SLIT2: variants seen among roughly 807,000 people sequenced by gnomAD.
SLIT2 encodes slit guidance ligand 2, also known as slit homolog 2 protein.
Under a neutral mutation model 185.7 loss-of-function variants are expected in SLIT2, and 41 were observed. That is an observed-to-expected ratio of 0.22 (90% CI 0.17 to 0.29). The LOEUF (loss-of-function observed/expected upper bound fraction) is 0.29, where lower values mean the gene tolerates loss of function less well. SLIT2 is among the 10% of genes least tolerant of loss of function. The probability of loss-of-function intolerance (pLI) is 1.00; values close to 1 mark genes in which losing one functional copy is unlikely to be tolerated. For missense variants in SLIT2, 1,571 were observed against 1,909.0 expected, an observed-to-expected ratio of 0.82 and a Z score of 3.30; for synonymous variants, 693 against 680.2, an observed-to-expected ratio of 1.02 and a Z score of -0.29.
At chr4:20,558,320 C>T (rs1296322720) in intron 26 of SLIT2, among the ~76,000 whole-genome samples, 1 of 151,948 alleles carries the variant, frequency 6.6e-6, no homozygotes, top group African/African-American at 2.4e-5. Flanking sequence ...GCTACAGCCA[C>T]CCCAACCTTC....
chr4:20,512,505 G>T (rs1577824966), intron 11 of SLIT2, among the ~76,000 whole-genome samples: 1 of 152,144 alleles, frequency 6.6e-6, no homozygotes, highest in South Asian at 2.1e-4. Flanking sequence ...AGAAGCACGA[G>T]ATTAAAGGAA....
intron 4 of SLIT2, among the ~76,000 whole-genome samples, chr4:20,368,970 A>G (rs1723355500): frequency 6.6e-6 from 1 of 152,150 alleles, no homozygotes; most frequent in African/African-American, 2.4e-5. Context: ...TGGAGACAGA[A>G]AACAACTTTG....
At chr4:20,438,002 A>G (rs1054997987) in intron 4 of SLIT2, among the ~76,000 whole-genome samples, 5 of 151,932 alleles carry the variant, frequency 3.3e-5, no homozygotes, top group African/African-American at 1.2e-4. Flanking sequence ...TTCTGAAGCT[A>G]GTCCTGAATA....
At chr4:20,561,715 T>C (rs1304612559) in intron 26 of SLIT2, among the ~76,000 whole-genome samples, 2 of 151,772 alleles carry the variant, frequency 1.3e-5, no homozygotes, top group African/African-American at 4.8e-5. Context: ...TCTTGGAAAT[T>C]ACCTTAGATT....
chr4:20,595,883 A>G (rs762507129), intron 31 of SLIT2, 49 bp downstream of exon 31: 17 of 1,491,114 alleles, frequency 1.1e-5, no homozygotes, highest in Middle Eastern at 1.7e-4. Context: ...ACCTAGCACA[A>G]CAGGGTGACT....
intron 25 of SLIT2, among the ~76,000 whole-genome samples, chr4:20,553,053 C>A (rs1233721561): frequency 6.6e-6 from 1 of 152,158 alleles, no homozygotes; most frequent in Non-Finnish European, 1.5e-5. Context: ...TTCTAATGAA[C>A]AACCGTAAAA....
Position 20,256,669 on chromosome 4 carries a change from T to C in SLIT2, c.180-3T>C, listed in dbSNP as rs778519024. On this transcript the variant is annotated splice_region_variant and splice_polypyrimidine_tract_variant and intron_variant, in intron 1 of 36. Transcript: ENST00000504154. ...AACTTTCACTTTCTGGTTTTTCTCT[T>C]AGGGATTTAAATGGAAATAACATCA... 157 of 1,521,332 alleles carry C rather than the reference T, an allele frequency of 1.0e-4. 2 individuals carry two copies. In the South Asian group the frequency reaches 1.7e-3, roughly 17 times the overall value. The allele number at this position is 1,521,332 out of a possible 1,614,324, so 94.2% of individuals were successfully genotyped here.
At chr4:20,302,039 T>C (rs1418140752) in intron 4 of SLIT2, among the ~76,000 whole-genome samples, 1 of 152,210 alleles carries the variant, frequency 6.6e-6, no homozygotes, top group Non-Finnish European at 1.5e-5. Context: ...CTTATTGACC[T>C]AATTTTACAG....
intron 4 of SLIT2, among the ~76,000 whole-genome samples, chr4:20,355,771 A>G (rs1722271124): frequency 6.6e-6 from 1 of 152,164 alleles, no homozygotes; most frequent in South Asian, 2.1e-4. Context: ...AGTACGCAAG[A>G]AAGTGACGTG....
chr4:20,465,690 A>G (rs138483212), intron 4 of SLIT2, among the ~76,000 whole-genome samples: 20 of 152,348 alleles, frequency 1.3e-4, no homozygotes, highest in African/African-American at 4.1e-4. Flanking sequence ...TTGAAGGACT[A>G]AAATCAAATT....
At chr4:20,426,107 A>G (rs1008164808) in intron 4 of SLIT2, among the ~76,000 whole-genome samples, 4 of 152,064 alleles carry the variant, frequency 2.6e-5, no homozygotes, top group South Asian at 2.1e-4. Flanking sequence ...CTCCTTCTTC[A>G]CCATTGCATC....
intron 4 of SLIT2, among the ~76,000 whole-genome samples, chr4:20,437,451 C>CA: frequency 6.6e-6 from 1 of 152,104 alleles, no homozygotes; most frequent in Middle Eastern, 3.4e-3. Context: ...CCTGTCTCTA[C>CA]AAAAAAATTA....
chr4:20,396,334 A>C (rs1725886611), intron 4 of SLIT2, among the ~76,000 whole-genome samples: 7 of 151,894 alleles, frequency 4.6e-5, no homozygotes, highest in Admixed American at 4.6e-4. Flanking sequence ...AATAAAGAAG[A>C]TATGGTAATC....
chr4:20,410,415 A>AT (rs373208655), intron 4 of SLIT2, among the ~76,000 whole-genome samples: 13,537 of 141,220 alleles, frequency 0.096, 651 homozygotes, highest in South Asian at 0.17. Flanking sequence ...TGCCCAGCTA[A>AT]TTTTTTTTTT....
At chr4:20,459,473 T>G (rs1387240792) in intron 4 of SLIT2, among the ~76,000 whole-genome samples, 1 of 152,224 alleles carries the variant, frequency 6.6e-6, no homozygotes, top group Admixed American at 6.5e-5. Flanking sequence ...ATTAAAATCT[T>G]GAGTAAACTA....
chr4:20,252,506 G>A lies in SLIT2; in HGVS notation c.-1310G>A, dbSNP rs1017529515. 2.6e-5 allele frequency among the ~76,000 whole-genome samples: 4 copies of A among 152,296 alleles called. No homozygotes were observed. Among genetic ancestry groups the A allele is most frequent in the Admixed American group, 2.0e-4 (3 of 15,314 alleles). On this transcript the variant is annotated 5_prime_UTR_variant, in exon 1 of 37. Coordinates refer to ENST00000504154, the MANE Select transcript of SLIT2 (RefSeq NM_004787.4). ...CGCCGGCAGGGGTACCGCCACTGTG[G>A]CCTTGGGGGACGGAATTCAAAGCCT...
chr4:20,294,762 A>G (rs1268505981), intron 4 of SLIT2, among the ~76,000 whole-genome samples: 1 of 152,214 alleles, frequency 6.6e-6, no homozygotes, highest in Non-Finnish European at 1.5e-5. Context: ...GTAGATAGCC[A>G]TGGTTGGAAT....
chr4:20,306,360 A>G (rs1201755806), intron 4 of SLIT2, among the ~76,000 whole-genome samples: 1 of 152,218 alleles, frequency 6.6e-6, no homozygotes, highest in Admixed American at 6.5e-5. Context: ...TATTAATATC[A>G]AATGAAACCT....
chr4:20,388,377 C>G (rs749679093), intron 4 of SLIT2, among the ~76,000 whole-genome samples: 1 of 152,062 alleles, frequency 6.6e-6, no homozygotes, highest in Non-Finnish European at 1.5e-5. Flanking sequence ...CAAGGAAACT[C>G]AATGACTTGA....
Sources: gnomAD v4.1 joint callset for allele counts (sites outside exome capture counted in the v4.1 genomes callset) on GRCh38, gnomAD v4.1.1 for gene constraint, MANE v1.5 for transcripts, NCBI Gene and HGNC (gene_info 2026-07-23, HGNC 2026-07-21) for gene names.